The following NLGN1 variants were observed in gnomAD, a reference collection of about 807,000 sequenced individuals.
The protein encoded by NLGN1 is neuroligin-1.
In NLGN1, 12 loss-of-function variants were observed where a neutral mutation model predicts 65.5. The ratio of observed to expected loss-of-function variants is 0.18; its 90% CI spans 0.12 to 0.30. NLGN1 has a LOEUF of 0.30. Ranked by LOEUF, NLGN1 falls within the 10% of genes least tolerant of loss-of-function variation. The pLI is 1.00. For missense variants in NLGN1, 750 were observed against 1,007.1 expected, an observed-to-expected ratio of 0.74 and a Z score of 3.46; for synonymous variants, 350 against 359.5, an observed-to-expected ratio of 0.97 and a Z score of 0.30.
intron 4 of NLGN1, among the ~76,000 whole-genome samples, chr3:174,121,860 T>A (rs1161390435): frequency 6.6e-6 from 1 of 152,224 alleles, no homozygotes; most frequent in Non-Finnish European, 1.5e-5. Flanking sequence ...CTAATTTCTT[T>A]ACTTTGTAGA....
At chr3:174,265,904 GTGTATATA>G (rs199641451) in intron 4 of NLGN1, among the ~76,000 whole-genome samples, 27,779 of 145,176 alleles carry the variant, frequency 0.19, 2,729 homozygotes, top group Middle Eastern at 0.23. Context: ...ATGTATATAT[GTGTATATA>G]TGTATATATG....
intron 3 of NLGN1, among the ~76,000 whole-genome samples, chr3:173,737,759 A>C (rs1774007100): frequency 3.9e-5 from 6 of 152,010 alleles, no homozygotes; most frequent in Admixed American, 3.9e-4. Context: ...TATTTCTCTC[A>C]GATTGTCTAC....
intron 3 of NLGN1, among the ~76,000 whole-genome samples, chr3:173,611,809 A>C (rs538278381): frequency 1.3e-5 from 2 of 152,108 alleles, no homozygotes; most frequent in Admixed American, 1.3e-4. Context: ...AAGAATAAAT[A>C]CTTTTTTTCT....
At chr3:174,145,786 G>A (rs769406701) in intron 4 of NLGN1, among the ~76,000 whole-genome samples, 6 of 152,042 alleles carry the variant, frequency 3.9e-5, no homozygotes, top group Admixed American at 3.9e-4. Flanking sequence ...TAAGGCTAAC[G>A]GTGCATATAT....
chr3:173,563,792 C>A (rs1410000796), intron 2 of NLGN1, among the ~76,000 whole-genome samples: 1 of 152,176 alleles, frequency 6.6e-6, no homozygotes, highest in Non-Finnish European at 1.5e-5. Flanking sequence ...CCAGTTAAAG[C>A]CGTCGGCATC....
At chr3:173,487,915 T>C (rs1728428049) in intron 2 of NLGN1, among the ~76,000 whole-genome samples, 1 of 152,024 alleles carries the variant, frequency 6.6e-6, no homozygotes, top group South Asian at 2.1e-4. Flanking sequence ...ACTAAGTTTA[T>C]TTAATATCTA....
intron 2 of NLGN1, among the ~76,000 whole-genome samples, chr3:173,460,947 G>A (rs1723273816): frequency 6.6e-6 from 1 of 152,112 alleles, no homozygotes; most frequent in Non-Finnish European, 1.5e-5. Context: ...TCTTGCATGG[G>A]TGAGATTGAA....
chr3:174,205,905 G>A (rs1735317482), intron 4 of NLGN1, among the ~76,000 whole-genome samples: 1 of 152,122 alleles, frequency 6.6e-6, no homozygotes, highest in Non-Finnish European at 1.5e-5. Context: ...ATAACTACAT[G>A]TAAAGTGCTT....
intron 4 of NLGN1, among the ~76,000 whole-genome samples, chr3:173,987,955 T>C (rs932988648): frequency 2.6e-5 from 4 of 152,202 alleles, no homozygotes; most frequent in African/African-American, 7.2e-5. Flanking sequence ...TATTCTCATT[T>C]TATTAAAGCT....
intron 2 of NLGN1, among the ~76,000 whole-genome samples, chr3:173,586,380 GCA>G (rs1747438255): frequency 6.6e-6 from 1 of 152,132 alleles, no homozygotes; most frequent in African/African-American, 2.4e-5. Flanking sequence ...GTCATCTGAA[GCA>G]CACTCATTCT....
chr3:173,562,570 A>G (rs558023258), intron 2 of NLGN1, among the ~76,000 whole-genome samples: 1 of 152,244 alleles, frequency 6.6e-6, no homozygotes, highest in East Asian at 1.9e-4. Context: ...TCTAAAAAAA[A>G]AAAAAGACAA....
At chr3:173,852,532 T>C (rs1727178797) in intron 4 of NLGN1, among the ~76,000 whole-genome samples, 2 of 152,134 alleles carry the variant, frequency 1.3e-5, no homozygotes, top group South Asian at 4.1e-4. Flanking sequence ...ATTGAACTAA[T>C]CTTGTATTTC....
chr3:173,542,233 A>G (rs905427537), intron 2 of NLGN1, among the ~76,000 whole-genome samples: 1 of 151,962 alleles, frequency 6.6e-6, no homozygotes, highest in Non-Finnish European at 1.5e-5. Context: ...TTATTCTTGT[A>G]TGGCTCCATT....
chr3:173,909,663 T>C (rs1354625683), intron 4 of NLGN1, among the ~76,000 whole-genome samples: 1 of 152,142 alleles, frequency 6.6e-6, no homozygotes, highest in Non-Finnish European at 1.5e-5. Context: ...CATTTATTTA[T>C]TTATTTATTT....
chr3:173,668,739 T>G (rs1762061551), intron 3 of NLGN1, among the ~76,000 whole-genome samples: 1 of 150,746 alleles, frequency 6.6e-6, no homozygotes, highest in African/African-American at 2.4e-5. Flanking sequence ...TGCTCATGCC[T>G]CAGCCTCCTG....
At chr3:173,400,639 C>CT (rs1232319158) in intron 1 of NLGN1, among the ~76,000 whole-genome samples, 2 of 150,614 alleles carry the variant, frequency 1.3e-5, no homozygotes, top group Non-Finnish European at 2.9e-5. Context: ...TGCTTCCTTC[C>CT]TGTACCCTTA....
At chr3:174,142,519 T>C (rs1722487064) in intron 4 of NLGN1, among the ~76,000 whole-genome samples, 1 of 152,078 alleles carries the variant, frequency 6.6e-6, no homozygotes, top group African/African-American at 2.4e-5. Context: ...AATTTTCTGG[T>C]TTGTTTCAAG....
At chr3:173,508,577 C>T (rs1360114692) in intron 2 of NLGN1, among the ~76,000 whole-genome samples, 1 of 152,144 alleles carries the variant, frequency 6.6e-6, no homozygotes, top group African/African-American at 2.4e-5. Flanking sequence ...CGTGACTCTT[C>T]CCGTGGAAGT....
chr3:174,240,310 T>C (rs1742550080), intron 4 of NLGN1, among the ~76,000 whole-genome samples: 1 of 148,350 alleles, frequency 6.7e-6, no homozygotes, highest in Admixed American at 6.6e-5. Flanking sequence ...ATTAAACATA[T>C]AGATCTAACT....
Sources: gnomAD v4.1 joint callset for allele counts (sites outside exome capture counted in the v4.1 genomes callset) on GRCh38, gnomAD v4.1.1 for gene constraint, MANE v1.5 for transcripts, NCBI Gene and HGNC (gene_info 2026-07-23, HGNC 2026-07-21) for gene names.